Variants in PDE4D observed in about 807,000 individuals in gnomAD.
PDE4D encodes 3',5'-cyclic-AMP phosphodiesterase 4D.
PDE4D carries 24 observed loss-of-function variants against 87.4 expected under a neutral mutation model. The observed-to-expected ratio is 0.27, with a 90% CI of 0.20 to 0.39. The LOEUF (loss-of-function observed/expected upper bound fraction) is 0.39, where lower values mean the gene tolerates loss of function less well. Ranked by LOEUF, PDE4D falls within the 10% of genes least tolerant of loss-of-function variation. The probability of loss-of-function intolerance (pLI) is 1.00; values close to 1 mark genes in which losing one functional copy is unlikely to be tolerated. For synonymous variants in PDE4D, 384 were observed against 383.2 expected (o/e 1.00, Z -0.02); for missense variants, 714 against 1,041.0 (o/e 0.69, Z 4.32).
chr5:59,845,774 G>A (rs889759069), intron 1 of PDE4D, among the ~76,000 whole-genome samples: 8 of 152,074 alleles, frequency 5.3e-5, no homozygotes, highest in African/African-American at 1.9e-4. Context: ...GGCCTTGTCA[G>A]TTTTTATGTA....
chr5:59,561,495 G>A (rs961114350), intron 1 of PDE4D, among the ~76,000 whole-genome samples: 11 of 152,118 alleles, frequency 7.2e-5, no homozygotes, highest in African/African-American at 1.2e-4. Context: ...AATTAACAGC[G>A]TTTTGCTTAT....
chr5:60,176,964 G>A (rs1783963715), intron 2 of PDE4D, among the ~76,000 whole-genome samples: 1 of 152,144 alleles, frequency 6.6e-6, no homozygotes, highest in Non-Finnish European at 1.5e-5. Flanking sequence ...ACTGTGGGAA[G>A]ATAAGCAAAG....
chr5:59,531,285 T>C (rs1373977956), intron 1 of PDE4D, among the ~76,000 whole-genome samples: 2 of 152,208 alleles, frequency 1.3e-5, no homozygotes, highest in Non-Finnish European at 2.9e-5. Context: ...TTCATCTCCT[T>C]TGAGTCTATG....
intron 1 of PDE4D, among the ~76,000 whole-genome samples, chr5:60,473,201 G>C (rs1481387957): frequency 6.9e-6 from 1 of 144,178 alleles, no homozygotes; most frequent in African/African-American, 2.6e-5. Context: ...AAAAAAGAAA[G>C]AAAGAAAAGA....
intron 1 of PDE4D, among the ~76,000 whole-genome samples, chr5:59,252,775 C>T (rs977063420): frequency 7.9e-5 from 12 of 152,258 alleles, no homozygotes; most frequent in Admixed American, 4.6e-4. Flanking sequence ...GATCCTCCCA[C>T]CTCGGCCTCC....
chr5:59,992,851 C>T (rs775704381), intron 2 of PDE4D, among the ~76,000 whole-genome samples: 9 of 152,148 alleles, frequency 5.9e-5, no homozygotes, highest in Non-Finnish European at 1.3e-4. Context: ...TATATTCTAA[C>T]ATTTTCCATT....
At chr5:60,035,481 G>A (rs1767694691) in intron 2 of PDE4D, among the ~76,000 whole-genome samples, 1 of 152,098 alleles carries the variant, frequency 6.6e-6, no homozygotes, top group Non-Finnish European at 1.5e-5. Flanking sequence ...GTCACTCTGA[G>A]AACCAAGAGC....
intron 3 of PDE4D, among the ~76,000 whole-genome samples, chr5:59,941,889 G>A (rs925856566): frequency 2.0e-5 from 3 of 152,216 alleles, no homozygotes; most frequent in Non-Finnish European, 4.4e-5. Flanking sequence ...GGATTTGGCA[G>A]GGGAGGAAGC....
chr5:60,165,442 T>C (rs1349906962), intron 2 of PDE4D, among the ~76,000 whole-genome samples: 1 of 152,160 alleles, frequency 6.6e-6, no homozygotes, highest in Non-Finnish European at 1.5e-5. Flanking sequence ...AGTCAGGTAG[T>C]GTGATGCCTC....
chr5:59,823,901 T>G (rs1323457368), intron 1 of PDE4D, among the ~76,000 whole-genome samples: 1 of 150,648 alleles, frequency 6.6e-6, no homozygotes, highest in African/African-American at 2.5e-5. Flanking sequence ...CCTATCATCC[T>G]CATGTCAGCA....
intron 3 of PDE4D, among the ~76,000 whole-genome samples, chr5:59,952,847 C>T (rs1230373652): frequency 2.0e-5 from 3 of 152,174 alleles, no homozygotes; most frequent in Middle Eastern, 3.2e-3. Flanking sequence ...AGCCCTCAAC[C>T]TTTAGAGTCT....
At chr5:59,772,047 A>C (rs1402241800) in intron 1 of PDE4D, among the ~76,000 whole-genome samples, 1 of 152,224 alleles carries the variant, frequency 6.6e-6, no homozygotes, top group Non-Finnish European at 1.5e-5. Context: ...AAAATACAAA[A>C]TTAATTTTGT....
intron 1 of PDE4D, among the ~76,000 whole-genome samples, chr5:60,223,156 G>T (rs935173142): frequency 6.6e-6 from 1 of 152,080 alleles, no homozygotes; most frequent in Non-Finnish European, 1.5e-5. Flanking sequence ...GGAGGCAACA[G>T]TGAGATACTC....
At chr5:59,498,227 A>C (rs541563990) in intron 1 of PDE4D, among the ~76,000 whole-genome samples, 2 of 151,830 alleles carry the variant, frequency 1.3e-5, no homozygotes, top group South Asian at 4.2e-4. Flanking sequence ...ATGAAAGCAC[A>C]TGCAAGCAGA....
intron 3 of PDE4D, among the ~76,000 whole-genome samples, chr5:59,952,740 A>G (rs1432936490): frequency 1.3e-5 from 2 of 152,176 alleles, no homozygotes; most frequent in Admixed American, 6.5e-5. Context: ...GGAAGTTCAA[A>G]CTAACCCTCA....
intron 1 of PDE4D, among the ~76,000 whole-genome samples, chr5:60,356,899 T>A (rs1181862069): frequency 6.6e-6 from 1 of 152,162 alleles, no homozygotes; most frequent in Non-Finnish European, 1.5e-5. Context: ...AGGGCCTCTG[T>A]AGCTCTATTA....
chr5:59,365,925 G>A (rs528030564), intron 1 of PDE4D, among the ~76,000 whole-genome samples: 2 of 152,250 alleles, frequency 1.3e-5, no homozygotes, highest in South Asian at 4.2e-4. Context: ...ATCAGTCCTG[G>A]AATAGTCCAG....
intron 1 of PDE4D, among the ~76,000 whole-genome samples, chr5:59,452,146 G>A (rs1245300443): frequency 1.3e-5 from 2 of 152,120 alleles, no homozygotes; most frequent in African/African-American, 4.8e-5. Flanking sequence ...GTGGCCCAGG[G>A]AAGACAGAAG....
intron 1 of PDE4D, among the ~76,000 whole-genome samples, chr5:60,224,252 A>G (rs556378456): frequency 6.6e-6 from 1 of 152,216 alleles, no homozygotes; most frequent in South Asian, 2.1e-4. Context: ...TCTGACCAAA[A>G]GACTTCTTGA....
Sources: gnomAD v4.1 joint callset for allele counts (sites outside exome capture counted in the v4.1 genomes callset) on GRCh38, gnomAD v4.1.1 for gene constraint, MANE v1.5 for transcripts, NCBI Gene and HGNC (gene_info 2026-07-23, HGNC 2026-07-21) for gene names.